APOL3: variants seen among roughly 807,000 people sequenced by gnomAD.
APOL3 encodes the protein TNF-inducible protein CG12-1.
A neutral mutation model predicts 11.6 loss-of-function variants in APOL3; 14 were observed. That is an observed-to-expected ratio of 1.21 (90% CI 0.80 to 1.89). The LOEUF is 1.89. APOL3 is among the 40% of genes most tolerant of loss of function. The pLI, the probability that APOL3 is intolerant of heterozygous loss-of-function variation, is 0.00. For synonymous variants in APOL3, 192 were observed against 190.6 expected (o/e 1.01, Z -0.06); for missense variants, 483 against 492.1 (o/e 0.98, Z 0.17).
At chr22:36,153,923 G>A (rs114635967) in intron 1 of APOL3, among the ~76,000 whole-genome samples, 4 of 152,296 alleles carry the variant, frequency 2.6e-5, no homozygotes, top group South Asian at 2.1e-4. Context: ...CAAAGTGGGC[G>A]TTTCCAGGCT....
intron 1 of APOL3, among the ~76,000 whole-genome samples, chr22:36,156,363 A>G (rs1302680036): frequency 6.6e-6 from 1 of 152,108 alleles, no homozygotes; most frequent in Non-Finnish European, 1.5e-5. Context: ...TTCGTGCATT[A>G]GCACGGGAAT....
At chr22:36,157,215 C>G (rs563368398) in intron 1 of APOL3, among the ~76,000 whole-genome samples, 2 of 152,212 alleles carry the variant, frequency 1.3e-5, no homozygotes, top group African/African-American at 2.4e-5. Flanking sequence ...TCCCCTCCCC[C>G]ACGGCAATGG....
At chr22:36,161,421 C>T (rs2013688642), upstream of APOL3, 1 of 173,864 alleles carries the variant, frequency 5.8e-6, no homozygotes, top group African/African-American at 2.4e-5. Context: ...ACTCTGGCCT[C>T]AAATGATCCT....
At chr22:36,143,723 C>A (rs1042024096) in intron 2 of APOL3, among the ~76,000 whole-genome samples, 1 of 152,222 alleles carries the variant, frequency 6.6e-6, no homozygotes, top group African/African-American at 2.4e-5. Context: ...TGACCTGGCA[C>A]CTCCAAGCTT....
upstream of APOL3, among the ~76,000 whole-genome samples, chr22:36,163,746 A>G (rs1162109837): frequency 6.6e-6 from 1 of 152,200 alleles, no homozygotes; most frequent in African/African-American, 2.4e-5. Context: ...TGTCGAGACT[A>G]CCTTGATCTC....
intron 1 of APOL3, among the ~76,000 whole-genome samples, chr22:36,150,896 C>T (rs2146824956): frequency 6.6e-6 from 1 of 152,194 alleles, no homozygotes; most frequent in African/African-American, 2.4e-5. Flanking sequence ...AAAATATATA[C>T]ATATGAAAAT....
At chr22:36,164,321 G>C (rs2013805189), upstream of APOL3, among the ~76,000 whole-genome samples, 1 of 152,108 alleles carries the variant, frequency 6.6e-6, no homozygotes, top group African/African-American at 2.4e-5. Flanking sequence ...TAACCGACCA[G>C]AATAAGCTGT....
At position 36,141,936 on chromosome 22, in the gene APOL3, T is replaced by TG; in HGVS notation, c.472dup (p.Gln158ProfsTer21). 6.2e-7 allele frequency: 1 copy of TG among 1,614,188 alleles called. No individual in the cohort carries two copies. The highest frequency in any genetic ancestry group is 8.5e-7 in the Non-Finnish European group (1 of 1,180,024). The stretch of plus-strand genomic sequence containing the variant: ...GGACTCCTGGATCTTCCTCTTGACT[T>TG]GGGGAAACTCTTTCAAAAACCATTC... On this transcript the variant is annotated frameshift_variant, in exon 3 of 3. Coordinates refer to ENST00000349314, the Ensembl canonical transcript of APOL3. LOFTEE classifies it low-confidence loss of function (END_TRUNC).
At chr22:36,160,789 C>T (rs1372293230) in exon 1 of APOL3, 9 of 1,614,028 alleles carry the variant, frequency 5.6e-6, no homozygotes, top group Non-Finnish European at 7.6e-6. Flanking sequence ...TGAGATATAC[C>T]CTGGAACCCA....
At chr22:36,148,917 G>A (rs537651231) in intron 1 of APOL3, 129 bp downstream of exon 2, 641 of 912,372 alleles carry the variant, frequency 7.0e-4, no homozygotes, top group Non-Finnish European at 9.5e-4. Flanking sequence ...CTCTTTTGGG[G>A]CTCAGGGAAG....
intron 1 of APOL3, among the ~76,000 whole-genome samples, chr22:36,153,089 C>A (rs1017934182): frequency 6.6e-6 from 1 of 151,284 alleles, no homozygotes; most frequent in Admixed American, 6.6e-5. Context: ...CCAGCCTGGG[C>A]AACAAGAGTG....
intron 1 of APOL3, among the ~76,000 whole-genome samples, chr22:36,146,639 A>C (rs1243753471): frequency 2.0e-5 from 3 of 151,924 alleles, no homozygotes; most frequent in Non-Finnish European, 2.9e-5. Flanking sequence ...CAGCATTTTC[A>C]ATCTGTGTCA....
intron 1 of APOL3, among the ~76,000 whole-genome samples, chr22:36,150,242 A>G (rs923973475): frequency 4.6e-5 from 7 of 152,184 alleles, no homozygotes; most frequent in Non-Finnish European, 5.9e-5. Context: ...AGGTAGAAGA[A>G]CATTTATTGA....
chr22:36,157,052 C>T, intron 1 of APOL3: 1 of 455,992 alleles, frequency 2.2e-6, no homozygotes, highest in South Asian at 1.5e-5. Flanking sequence ...ATTTCATGTA[C>T]TTTTGGTGGC....
chr22:36,156,739 G>T, intron 1 of APOL3: 1 of 299,204 alleles, frequency 3.3e-6, no homozygotes. Context: ...CTTTCCGGGG[G>T]CAGCTCTACC....
intron 1 of APOL3, 87 bp from the exon 2 acceptor site, chr22:36,149,229 C>T: frequency 7.6e-7 from 1 of 1,307,836 alleles, no homozygotes; most frequent in Non-Finnish European, 1.0e-6. Flanking sequence ...TCTGCAATCC[C>T]TTTGCGTGTC....
intron 1 of APOL3, among the ~76,000 whole-genome samples, chr22:36,146,856 G>T (rs1295456708): frequency 6.6e-6 from 1 of 152,154 alleles, no homozygotes; most frequent in Non-Finnish European, 1.5e-5. Flanking sequence ...CCAAAAATGT[G>T]TGGTTTGCAG....
upstream of APOL3, chr22:36,160,980 A>G (rs2013662994): frequency 4.1e-6 from 5 of 1,207,936 alleles, no homozygotes; most frequent in Non-Finnish European, 5.9e-6. Flanking sequence ...CCTGCCTCCC[A>G]TACTTAGGGT....
chr22:36,163,650 GAC>G (rs1337062686), upstream of APOL3, among the ~76,000 whole-genome samples: 1 of 152,254 alleles, frequency 6.6e-6, no homozygotes, highest in African/African-American at 2.4e-5. Context: ...CAACTTGAGA[GAC>G]ACACAGACTG....
Sources: allele counts gnomAD v4.1 joint callset (sites outside exome capture counted in the v4.1 genomes callset), GRCh38; gene constraint gnomAD v4.1.1; transcripts MANE v1.5; gene names NCBI Gene and HGNC (gene_info 2026-07-23, HGNC 2026-07-21).